Variants in CRPPA observed in about 807,000 individuals in gnomAD.
CRPPA encodes D-ribitol-5-phosphate cytidylyltransferase.
In CRPPA, 43 loss-of-function variants were observed where a neutral mutation model predicts 52.0. That is an observed-to-expected ratio of 0.83 (90% confidence interval 0.65 to 1.07). CRPPA has a LOEUF of 1.07. Among genes scored for constraint, CRPPA ranks in the 50% least tolerant of loss-of-function variants. The pLI is 0.00. For synonymous variants in CRPPA, 250 were observed against 203.5 expected (o/e 1.23, Z -1.94); for missense variants, 629 against 551.7 (o/e 1.14, Z -1.40).
intron 2 of CRPPA, among the ~76,000 whole-genome samples, chr7:16,380,598 C>T (rs928727703): frequency 3.9e-5 from 6 of 152,076 alleles, no homozygotes; most frequent in South Asian, 2.1e-4. Flanking sequence ...TGGTAGAATT[C>T]GGCTGTGAAT....
chr7:16,200,499 C>T (rs1489284771), intron 9 of CRPPA, among the ~76,000 whole-genome samples: 1 of 152,188 alleles, frequency 6.6e-6, no homozygotes, highest in Middle Eastern at 3.2e-3. Flanking sequence ...AAGGCATTCA[C>T]ATCCTACAAA....
chr7:16,362,238 C>A (rs1786471509), intron 3 of CRPPA, among the ~76,000 whole-genome samples: 2 of 152,224 alleles, frequency 1.3e-5, no homozygotes, highest in Admixed American at 6.5e-5. Context: ...AGTTTACCAA[C>A]AATACTTATT....
chr7:16,339,723 A>G (rs967629572), intron 3 of CRPPA, among the ~76,000 whole-genome samples: 1 of 152,242 alleles, frequency 6.6e-6, no homozygotes, highest in African/African-American at 2.4e-5. Context: ...AGAAATAAGT[A>G]TTCTGATTGG....
chr7:16,262,844 T>C (rs908259026), intron 6 of CRPPA, among the ~76,000 whole-genome samples: 3 of 152,206 alleles, frequency 2.0e-5, no homozygotes, highest in Non-Finnish European at 4.4e-5. Context: ...ATCAGCCAGA[T>C]TATCATCTGC....
At chr7:16,387,836 T>C (rs1412765857) in intron 2 of CRPPA, among the ~76,000 whole-genome samples, 2 of 152,134 alleles carry the variant, frequency 1.3e-5, no homozygotes, top group Non-Finnish European at 2.9e-5. Flanking sequence ...AACAGCAGAA[T>C]ACCTATTTGA....
At chr7:16,215,394 A>G (rs1583435995) in intron 9 of CRPPA, among the ~76,000 whole-genome samples, 1 of 152,208 alleles carries the variant, frequency 6.6e-6, no homozygotes, top group Admixed American at 6.5e-5. Flanking sequence ...TTCTTAATAG[A>G]TTTTCCAAAT....
At chr7:16,345,878 G>A (rs1786002478) in intron 3 of CRPPA, among the ~76,000 whole-genome samples, 2 of 152,108 alleles carry the variant, frequency 1.3e-5, no homozygotes, top group Admixed American at 1.3e-4. Flanking sequence ...GAGTCCAAAT[G>A]ATTTCCTTTA....
chr7:16,365,662 TA>T (rs1289195868), intron 3 of CRPPA, among the ~76,000 whole-genome samples: 1 of 152,170 alleles, frequency 6.6e-6, no homozygotes, highest in Admixed American at 6.5e-5. Context: ...GAGAATATTT[TA>T]AATGACCTCC....
At chr7:16,135,296 T>G (rs28703222) in intron 9 of CRPPA, among the ~76,000 whole-genome samples, 23,510 of 152,138 alleles carry the variant, frequency 0.15, 2,888 homozygotes, top group East Asian at 0.44. Flanking sequence ...ATATACCTTT[T>G]TGAAGACCTC....
intron 9 of CRPPA, among the ~76,000 whole-genome samples, chr7:16,093,184 A>G (rs1781869927): frequency 6.6e-6 from 1 of 152,134 alleles, no homozygotes; most frequent in Admixed American, 6.6e-5. Context: ...CATTTTATCT[A>G]TGAATATGGA....
At chr7:16,396,394 CA>C (rs1787569062) in intron 2 of CRPPA, among the ~76,000 whole-genome samples, 1 of 152,034 alleles carries the variant, frequency 6.6e-6, no homozygotes, top group South Asian at 2.1e-4. Flanking sequence ...CAAGAATGGT[CA>C]AAACCAAAAC....
At chr7:16,099,847 C>A (rs1163737119) in intron 9 of CRPPA, among the ~76,000 whole-genome samples, 1 of 152,042 alleles carries the variant, frequency 6.6e-6, no homozygotes, top group Non-Finnish European at 1.5e-5. Flanking sequence ...TTTTAATTAG[C>A]AAAAAATGTT....
chr7:16,203,523 A>C (rs1781904483), intron 9 of CRPPA, among the ~76,000 whole-genome samples: 2 of 152,208 alleles, frequency 1.3e-5, no homozygotes, highest in Non-Finnish European at 2.9e-5. Context: ...AACATAAAAT[A>C]TAAAGTGGGA....
intron 9 of CRPPA, among the ~76,000 whole-genome samples, chr7:16,203,896 A>C (rs1048242152): frequency 8.5e-5 from 13 of 152,176 alleles, no homozygotes; most frequent in Admixed American, 1.3e-4. Context: ...TTATTCAGGA[A>C]GCAAAATACT....
intron 2 of CRPPA, among the ~76,000 whole-genome samples, chr7:16,391,106 A>C (rs1787431222): frequency 1.3e-5 from 2 of 152,164 alleles, no homozygotes; most frequent in African/African-American, 2.4e-5. Context: ...TGCCTGTTTA[A>C]CATTTCCACT....
intron 1 of CRPPA, among the ~76,000 whole-genome samples, chr7:16,417,573 G>T (rs145768593): frequency 6.6e-6 from 1 of 152,096 alleles, no homozygotes; most frequent in Non-Finnish European, 1.5e-5. Flanking sequence ...CTCCTAAGAC[G>T]GAGCTAAACA....
At chr7:16,396,973 T>A (rs1787595410) in intron 2 of CRPPA, among the ~76,000 whole-genome samples, 1 of 152,118 alleles carries the variant, frequency 6.6e-6, no homozygotes, top group South Asian at 2.1e-4. Context: ...CGTGTGACAC[T>A]GGTGACATGT....
chr7:16,106,389 A>C (rs749812643), intron 9 of CRPPA, among the ~76,000 whole-genome samples: 2 of 152,194 alleles, frequency 1.3e-5, no homozygotes, highest in Non-Finnish European at 2.9e-5. Context: ...CAAAGAGTTG[A>C]ATTGGCCATC....
At position 16,116,209 on chromosome 7, in the gene CRPPA, T is replaced by C. The variant is rs1355076688; in HGVS notation, c.1252-24410A>G. Among the ~76,000 whole-genome samples the C allele has an allele frequency of 2.6e-5, 4 of 152,318 alleles. No homozygotes were observed. In the East Asian group the frequency reaches 7.7e-4, roughly 29 times the overall value. ...AATATCAGCAGTGAGACAGATATCA[T>C]GTGATCCCTGATATGATGCACTGAG... On this transcript the variant is annotated intron_variant, in intron 9 of 9. Coordinates refer to ENST00000407010, the MANE Select transcript of CRPPA (RefSeq NM_001101426.4).
Sources: gnomAD v4.1 joint callset for allele counts (sites outside exome capture counted in the v4.1 genomes callset) on GRCh38, gnomAD v4.1.1 for gene constraint, MANE v1.5 for transcripts, NCBI Gene and HGNC (gene_info 2026-07-23, HGNC 2026-07-21) for gene names.